The following NUDCD1 variants were observed in gnomAD, a reference collection of about 807,000 sequenced individuals.
NUDCD1 encodes the protein NudC domain containing 1, also known as nudC domain-containing protein 1.
Under a neutral mutation model 67.8 loss-of-function variants are expected in NUDCD1, and 60 were observed. The ratio of observed to expected loss-of-function variants is 0.88; its 90% CI spans 0.72 to 1.10. The LOEUF (loss-of-function observed/expected upper bound fraction) is 1.10. NUDCD1 is among the 50% of genes least tolerant of loss of function. The pLI is 0.00. For missense variants in NUDCD1, 643 were observed against 695.0 expected (o/e 0.93, Z 0.84); for synonymous variants, 244 against 230.8 (o/e 1.06, Z -0.52).
At chr8:109,256,186 G>A (rs188413257) in intron 8 of NUDCD1, among the ~76,000 whole-genome samples, 7 of 152,226 alleles carry the variant, frequency 4.6e-5, no homozygotes, top group East Asian at 1.9e-4. Flanking sequence ...GTGACAGAGC[G>A]ATACCCGTCT....
chr8:109,331,676 T>C (rs1055129248), intron 1 of NUDCD1, among the ~76,000 whole-genome samples: 15 of 152,232 alleles, frequency 9.9e-5, no homozygotes, highest in Admixed American at 9.2e-4. Flanking sequence ...GATTGTTTAT[T>C]GTGAGATTTT....
rs1340970174 is a variant in NUDCD1, at chr8:109,275,426, C to G, written c.1099G>C (p.Gly367Arg). Residue 367 changes from glycine to arginine, a missense_variant, in exon 7 of 10, where the codon GGG (glycine) becomes CGG (arginine). Physicochemically the swap from Gly to Arg is moderately radical, Grantham distance 125. Coordinates refer to ENST00000239690, the MANE Select transcript of NUDCD1 (RefSeq NM_032869.4). ...TGGGCTGAATCTCTTATAAGTTCCC[C>G]TTGTTTATCTCCAATTACTAGCTCT... ...WPELVIGDKQGELIRDSAQCA... is the reference protein window; with the variant it reads ...WPELVIGDKQRELIRDSAQCA... 3.1e-6 allele frequency: 5 copies of G among 1,613,570 alleles called. No individual in the cohort carries two copies. The highest frequency in any genetic ancestry group is 3.4e-6 in the Non-Finnish European group (4 of 1,179,710).
At chr8:109,332,818 T>C (rs1053427685) in intron 1 of NUDCD1, among the ~76,000 whole-genome samples, 5 of 152,164 alleles carry the variant, frequency 3.3e-5, no homozygotes, top group Non-Finnish European at 5.9e-5. Context: ...GCTTATCCTC[T>C]CTCATCCTAG....
chr8:109,281,258 A>G, intron 5 of NUDCD1, 86 bp from the exon 6 acceptor site: 3 of 800,828 alleles, frequency 3.7e-6, no homozygotes, highest in Non-Finnish European at 6.2e-6. Context: ...GAATTTTAGT[A>G]TATTTACTAG....
chr8:109,321,444 T>TA (rs1815534668), intron 2 of NUDCD1, among the ~76,000 whole-genome samples: 1 of 152,104 alleles, frequency 6.6e-6, no homozygotes, highest in Non-Finnish European at 1.5e-5. Flanking sequence ...ATCAACCATT[T>TA]AAAAAATAAT....
intron 8 of NUDCD1, among the ~76,000 whole-genome samples, chr8:109,265,521 C>T (rs1322586708): frequency 6.6e-6 from 1 of 152,132 alleles, no homozygotes; most frequent in African/African-American, 2.4e-5. Context: ...TTCATAATGA[C>T]ATTAACTTAA....
intron 1 of NUDCD1, among the ~76,000 whole-genome samples, chr8:109,333,434 G>A (rs541541787): frequency 6.6e-6 from 1 of 152,192 alleles, no homozygotes; most frequent in Non-Finnish European, 1.5e-5. Context: ...GCTATGACTG[G>A]AATGTAGTTT....
At chr8:109,313,948 C>G (rs1815325038) in intron 2 of NUDCD1, 6 of 433,244 alleles carry the variant, frequency 1.4e-5, no homozygotes, top group South Asian at 1.1e-4. Context: ...GGCTCTCTTA[C>G]TTGCATTAAT....
chr8:109,267,226 G>C (rs1164345048), intron 8 of NUDCD1, among the ~76,000 whole-genome samples: 1 of 152,090 alleles, frequency 6.6e-6, no homozygotes, highest in East Asian at 1.9e-4. Flanking sequence ...CGCCAACCAG[G>C]TAATAAGCAT....
chr8:109,271,458 A>G (rs1365933230), intron 7 of NUDCD1, among the ~76,000 whole-genome samples: 1 of 152,186 alleles, frequency 6.6e-6, no homozygotes, highest in Non-Finnish European at 1.5e-5. Flanking sequence ...CAGATGTGAC[A>G]GACAGCTGAT....
At chr8:109,293,663 G>T (rs1814764165) in intron 3 of NUDCD1, 139 bp from the exon 4 acceptor site, 2 of 444,914 alleles carry the variant, frequency 4.5e-6, no homozygotes, top group Non-Finnish European at 7.7e-6. Context: ...AAATAAAAAG[G>T]CCTTTACATA....
At chr8:109,286,989 T>C (rs1225420928) in intron 5 of NUDCD1, among the ~76,000 whole-genome samples, 2 of 151,990 alleles carry the variant, frequency 1.3e-5, no homozygotes, top group Non-Finnish European at 2.9e-5. Flanking sequence ...AAACAAGACA[T>C]ACAAATGGCC....
At chr8:109,260,406 G>T (rs917798393) in intron 8 of NUDCD1, among the ~76,000 whole-genome samples, 2 of 152,180 alleles carry the variant, frequency 1.3e-5, no homozygotes, top group Non-Finnish European at 2.9e-5. Flanking sequence ...TCGCTATGTT[G>T]CCTAGGCTGG....
intron 2 of NUDCD1, 87 bp from the exon 3 acceptor site, chr8:109,296,656 C>A: frequency 1.1e-6 from 1 of 939,292 alleles, no homozygotes; most frequent in East Asian, 2.6e-5. Flanking sequence ...GGTGGTTTCT[C>A]TCCTTTTTAA....
chr8:109,291,578 G>A (rs1400649461), intron 4 of NUDCD1, among the ~76,000 whole-genome samples: 3 of 149,366 alleles, frequency 2.0e-5, no homozygotes, highest in East Asian at 1.9e-4. Context: ...AATAGTTTAC[G>A]AAAATACTGT....
Position 109,333,913 on chromosome 8 carries a change from T to C in NUDCD1, c.98A>G (p.Tyr33Cys). The change falls in exon 1 of 10, where the codon TAC becomes TGC. Residue 33 changes from tyrosine (Y) to cysteine (C), a missense_variant. By Grantham distance (194) the Tyr-to-Cys change is radical (BLOSUM62 -2). Coordinates refer to ENST00000239690, the MANE Select transcript of NUDCD1 (RefSeq NM_032869.4). ...CCCACCTGCGTCAAGCTCCAGCTGG[T>C]AACAAGGCAGCGGCTCAAGAGAGAG... ...YKLSLEPLPCYQLELDAAVAE... is the reference protein window; with the variant it reads ...YKLSLEPLPCCQLELDAAVAE... The C allele has an allele frequency of 6.2e-7, 1 of 1,614,060 alleles. No individual in the cohort carries two copies. Among genetic ancestry groups the C allele is most frequent in the Non-Finnish European group, 8.5e-7 (1 of 1,179,968 alleles).
intron 1 of NUDCD1, among the ~76,000 whole-genome samples, chr8:109,328,486 T>A (rs1040475591): frequency 6.6e-6 from 1 of 152,150 alleles, no homozygotes; most frequent in Non-Finnish European, 1.5e-5. Context: ...TCAAGAGTAC[T>A]AATGGCATGT....
chr8:109,315,669 G>A (rs932060424), intron 2 of NUDCD1: 3 of 151,974 alleles, frequency 2.0e-5, no homozygotes, highest in Admixed American at 6.6e-5. Flanking sequence ...TACCCCACTG[G>A]GTTACTGGGT....
intron 6 of NUDCD1, among the ~76,000 whole-genome samples, 170 bp downstream of exon 6, chr8:109,280,798 T>C (rs1001193538): frequency 6.6e-6 from 1 of 152,146 alleles, no homozygotes; most frequent in Non-Finnish European, 1.5e-5. Context: ...TAATTTCAAC[T>C]AGAAATATGC....
Sources: gnomAD v4.1 joint callset for allele counts (sites outside exome capture counted in the v4.1 genomes callset) on GRCh38, gnomAD v4.1.1 for gene constraint, MANE v1.5 for transcripts, NCBI Gene and HGNC (gene_info 2026-07-23, HGNC 2026-07-21) for gene names.